GPC5: variants seen among roughly 807,000 people sequenced by gnomAD.
GPC5 encodes glypican-5.
A neutral mutation model predicts 53.9 loss-of-function variants in GPC5; 47 were observed. The ratio of observed to expected loss-of-function variants is 0.87; its 90% CI spans 0.69 to 1.11. The LOEUF (loss-of-function observed/expected upper bound fraction) is 1.11. GPC5 is among the 50% of genes most tolerant of loss of function. The probability of loss-of-function intolerance (pLI) is 0.00; values close to 1 mark genes in which losing one functional copy is unlikely to be tolerated. For missense variants in GPC5, 748 were observed against 713.1 expected, an observed-to-expected ratio of 1.05 and a Z score of -0.56; for synonymous variants, 286 against 263.3, an observed-to-expected ratio of 1.09 and a Z score of -0.84.
chr13:92,551,656 A>C (rs930770657), intron 7 of GPC5, among the ~76,000 whole-genome samples: 1 of 151,954 alleles, frequency 6.6e-6, no homozygotes, highest in Admixed American at 6.6e-5. Flanking sequence ...GGGGTGAAAC[A>C]TAAGGGATCT....
At chr13:91,571,828 T>TACAC (rs768975728) in intron 2 of GPC5, among the ~76,000 whole-genome samples, 1,736 of 64,750 alleles carry the variant, frequency 0.027, 274 homozygotes, top group African/African-American at 0.11. Flanking sequence ...TGTGTATATA[T>TACAC]ACACATATAC....
intron 6 of GPC5, chr13:91,995,121 A>G (rs551133572): frequency 7.1e-4 from 108 of 151,992 alleles, no homozygotes; most frequent in African/African-American, 2.5e-3. Context: ...ACAGGCGCCC[A>G]CCACCACGCC....
intron 7 of GPC5, among the ~76,000 whole-genome samples, chr13:92,789,723 A>C (rs1312191601): frequency 6.6e-6 from 1 of 152,150 alleles, no homozygotes; most frequent in Non-Finnish European, 1.5e-5. Flanking sequence ...CAGAAAATGA[A>C]ACTGAAGGTG....
chr13:91,640,955 G>T (rs1210768288), intron 2 of GPC5, among the ~76,000 whole-genome samples: 1 of 152,162 alleles, frequency 6.6e-6, no homozygotes, highest in Non-Finnish European at 1.5e-5. Flanking sequence ...CCATAAAGTG[G>T]AATTAGATCA....
chr13:91,861,849 T>G (rs1259031451), intron 5 of GPC5, among the ~76,000 whole-genome samples: 3 of 151,500 alleles, frequency 2.0e-5, no homozygotes, highest in Non-Finnish European at 4.4e-5. Flanking sequence ...CTGAGTTATT[T>G]GTCTTACAGT....
chr13:92,626,823 GA>G (rs1311581952), intron 7 of GPC5, among the ~76,000 whole-genome samples: 1 of 152,164 alleles, frequency 6.6e-6, no homozygotes, highest in Non-Finnish European at 1.5e-5. Context: ...ATGGGTGGTT[GA>G]AAGCTTAGAC....
intron 7 of GPC5, among the ~76,000 whole-genome samples, chr13:92,521,207 T>C (rs1881030643): frequency 2.0e-5 from 3 of 152,254 alleles, no homozygotes; most frequent in Non-Finnish European, 2.9e-5. Flanking sequence ...CTGCCCAAGG[T>C]AATTTACAGA....
At chr13:91,549,903 G>C (rs1211181551) in intron 2 of GPC5, among the ~76,000 whole-genome samples, 1 of 152,086 alleles carries the variant, frequency 6.6e-6, no homozygotes, top group South Asian at 2.1e-4. Flanking sequence ...CATACTCCCT[G>C]CTTTTACCCA....
rs1485058372 is a variant in GPC5, at chr13:91,571,904, T to TACGTGTG, written c.326-121283_326-121282insACGTGTG. 2.6e-3 allele frequency among the ~76,000 whole-genome samples: 162 copies of TACGTGTG among 62,720 alleles called. 13 individuals carry two copies. The highest frequency in any genetic ancestry group is 3.4e-3 in the Admixed American group (21 of 6,264). The allele number at this position is 62,720 out of a possible 152,430, so 41.1% of individuals were successfully genotyped here. A position where few individuals can be genotyped will look rare whatever the true frequency, so the allele number is the denominator to read the frequency against. On this transcript the variant is annotated intron_variant, in intron 2 of 7. Transcript: ENST00000377067. ...ACATATACGTGTGTATATACACATA[T>TACGTGTG]TGTATATATACACATATTGTATATA...
Position 92,865,190 on chromosome 13 carries a change from A to G in GPC5, c.1562-1092A>G, listed in dbSNP as rs546766063. On this transcript the variant is annotated intron_variant, in intron 7 of 7. Coordinates refer to ENST00000377067, the MANE Select transcript of GPC5 (RefSeq NM_004466.6). Reference sequence around the variant, plus strand: ...CTTGTCAGGTTTCATAACGTACGGAAGTAATAACCAGAATGCGACTGGATC... The same window carrying G: ...CTTGTCAGGTTTCATAACGTACGGAGGTAATAACCAGAATGCGACTGGATC... Among the ~76,000 whole-genome samples, 298 of 152,290 alleles carry G rather than the reference A, an allele frequency of 2.0e-3. 1 individual carries two copies. The highest frequency in any genetic ancestry group is 3.2e-3 in the Admixed American group (49 of 15,286).
intron 4 of GPC5, among the ~76,000 whole-genome samples, chr13:91,736,232 G>A (rs2036812331): frequency 6.6e-6 from 1 of 151,220 alleles, no homozygotes; most frequent in Admixed American, 6.6e-5. Context: ...TAGTATGGCA[G>A]GAATTGAGGA....
chr13:92,206,599 G>T (rs564495731), intron 7 of GPC5, among the ~76,000 whole-genome samples: 1 of 151,990 alleles, frequency 6.6e-6, no homozygotes, highest in East Asian at 1.9e-4. Flanking sequence ...GATTAATTTT[G>T]TTTTTCCTCA....
At chr13:92,578,217 G>A (rs539783493) in intron 7 of GPC5, among the ~76,000 whole-genome samples, 3 of 152,232 alleles carry the variant, frequency 2.0e-5, no homozygotes, top group Non-Finnish European at 2.9e-5. Context: ...TGGCTCAATC[G>A]AAACCCTTTT....
At chr13:92,314,335 C>T (rs1004481737) in intron 7 of GPC5, among the ~76,000 whole-genome samples, 3 of 152,138 alleles carry the variant, frequency 2.0e-5, no homozygotes, top group African/African-American at 7.2e-5. Flanking sequence ...AACTCAACTA[C>T]AGAAATAACT....
intron 7 of GPC5, among the ~76,000 whole-genome samples, chr13:92,540,739 T>C (rs1248892549): frequency 1.3e-5 from 2 of 151,904 alleles, no homozygotes; most frequent in African/African-American, 4.8e-5. Context: ...TGATAAATAC[T>C]TCTGGGACTA....
At chr13:91,721,271 C>T (rs955897192) in intron 3 of GPC5, among the ~76,000 whole-genome samples, 1 of 151,916 alleles carries the variant, frequency 6.6e-6, no homozygotes, top group African/African-American at 2.4e-5. Flanking sequence ...AGTAGCTGGA[C>T]TTACAGGTGC....
intron 7 of GPC5, among the ~76,000 whole-genome samples, chr13:92,642,133 G>T (rs1749724618): frequency 6.6e-6 from 1 of 152,110 alleles, no homozygotes; most frequent in Non-Finnish European, 1.5e-5. Flanking sequence ...CACTATTTCT[G>T]GTTTTCCTCT....
chr13:92,282,505 G>A (rs1051513349), intron 7 of GPC5, among the ~76,000 whole-genome samples: 3 of 152,084 alleles, frequency 2.0e-5, no homozygotes, highest in Non-Finnish European at 4.4e-5. Flanking sequence ...GAGAAAGGTC[G>A]GATTACCCAC....
chr13:92,189,857 G>T (rs568187718), intron 7 of GPC5, among the ~76,000 whole-genome samples: 1 of 152,224 alleles, frequency 6.6e-6, no homozygotes, highest in African/African-American at 2.4e-5. Flanking sequence ...ACTGAGAAAA[G>T]AATCTATGAG....
Sources: allele counts gnomAD v4.1 joint callset (sites outside exome capture counted in the v4.1 genomes callset), GRCh38; gene constraint gnomAD v4.1.1; transcripts MANE v1.5; gene names NCBI Gene and HGNC (gene_info 2026-07-23, HGNC 2026-07-21).